The following LRRC69 variants were observed in gnomAD, a reference collection of about 807,000 sequenced individuals.
LRRC69 encodes the protein leucine-rich repeat-containing protein 69.
Under a neutral mutation model 37.8 loss-of-function variants are expected in LRRC69, and 42 were observed. The observed-to-expected ratio is 1.11, with a 90% confidence interval of 0.87 to 1.44. The LOEUF (loss-of-function observed/expected upper bound fraction) is 1.44, where lower values mean the gene tolerates loss of function less well. LRRC69 is among the 40% of genes most tolerant of loss of function. The pLI, the probability that LRRC69 is intolerant of heterozygous loss-of-function variation, is 0.00. For missense variants in LRRC69, 357 were observed against 401.9 expected, an observed-to-expected ratio of 0.89 and a Z score of 0.96; for synonymous variants, 141 against 143.1, an observed-to-expected ratio of 0.99 and a Z score of 0.11.
chr8:91,199,087 T>G (rs1809669930), intron 6 of LRRC69, among the ~76,000 whole-genome samples: 1 of 152,208 alleles, frequency 6.6e-6, no homozygotes, highest in Non-Finnish European at 1.5e-5. Context: ...AATGCTTCTG[T>G]CATCTGCTAT....
At position 91,191,679 on chromosome 8, in the gene LRRC69, A is replaced by G. The variant is rs1255828765; in HGVS notation, c.753+2056A>G. 2.0e-5 allele frequency among the ~76,000 whole-genome samples: 3 copies of G among 152,018 alleles called. 1 individual carries two copies. The highest frequency in any genetic ancestry group is 7.2e-5 in the African/African-American group (3 of 41,390). On this transcript the variant is annotated intron_variant, in intron 6 of 7. Coordinates refer to ENST00000448384, the Ensembl canonical transcript of LRRC69. ...AGACAGGGTCATCCTGGGTTGGAGG[A>G]GGTTCTGGTTTGTGGAGGAGGCTGA...
At chr8:91,143,061 G>T (rs931725049) in intron 5 of LRRC69, among the ~76,000 whole-genome samples, 1 of 152,052 alleles carries the variant, frequency 6.6e-6, no homozygotes, top group African/African-American at 2.4e-5. Context: ...AATTCGGTTA[G>T]CCTTACTTCT....
In LRRC69 at chr8:91,139,797, A is replaced by G. The variant is rs186182680; in HGVS notation, c.651+4058A>G. ...CCAGTATGATTTTTCTTTCTAAAAAAGTACCATCTGGCCAGGCGCGGTGGC... is the reference window on the plus strand; with the variant it reads ...CCAGTATGATTTTTCTTTCTAAAAAGGTACCATCTGGCCAGGCGCGGTGGC... On this transcript the variant is annotated intron_variant, in intron 5 of 7. Coordinates refer to ENST00000448384, the Ensembl canonical transcript of LRRC69. Among the ~76,000 whole-genome samples the G allele has an allele frequency of 1.4e-4, 22 of 151,944 alleles. No homozygotes were observed. In the East Asian group the frequency reaches 2.9e-3, roughly 20 times the overall value.
chr8:91,155,771 A>G (rs1019134786), intron 5 of LRRC69, among the ~76,000 whole-genome samples: 5 of 150,702 alleles, frequency 3.3e-5, no homozygotes, highest in Non-Finnish European at 7.4e-5. Context: ...TTTACTTAAT[A>G]TAATGTCCTC....
chr8:91,129,087 A>G (rs1813765137), intron 3 of LRRC69, among the ~76,000 whole-genome samples: 1 of 152,036 alleles, frequency 6.6e-6, no homozygotes, highest in African/African-American at 2.4e-5. Flanking sequence ...ACTACAGAAT[A>G]TCAGTTCATG....
chr8:91,105,737 T>C (rs1285663558), intron 1 of LRRC69, among the ~76,000 whole-genome samples: 2 of 151,198 alleles, frequency 1.3e-5, no homozygotes, highest in African/African-American at 4.9e-5. Context: ...AAGGAGAGTT[T>C]AGAAGTGCTG....
chr8:91,132,963 A>G lies in LRRC69; in HGVS notation c.384-147A>G, dbSNP rs1586236255. 4 of 491,292 alleles carry G rather than the reference A, an allele frequency of 8.1e-6. No individual in the cohort carries two copies. In the East Asian group the frequency reaches 1.4e-4, roughly 17 times the overall value. The allele number at this position is 491,292 out of a possible 1,614,324, so 30.4% of individuals were successfully genotyped here. ...GCAAAAACTTTTTATACTCATGATC[A>G]CAATAGTTGTAAACACTTGACTGAA... On this transcript the variant is annotated intron_variant, in intron 3 of 7. Transcript: ENST00000448384.
intron 5 of LRRC69, among the ~76,000 whole-genome samples, chr8:91,160,917 T>C (rs989222768): frequency 6.6e-6 from 1 of 151,270 alleles, no homozygotes; most frequent in African/African-American, 2.4e-5. Context: ...CTCACTATGA[T>C]TTTACTGTGG....
chr8:91,105,954 G>C (rs1252171925), intron 1 of LRRC69, among the ~76,000 whole-genome samples: 2 of 152,016 alleles, frequency 1.3e-5, no homozygotes, highest in African/African-American at 4.8e-5. Flanking sequence ...CAGGAATGAT[G>C]TAAGAAACAA....
At chr8:91,217,698 A>G (rs1810078846) in intron 7 of LRRC69, among the ~76,000 whole-genome samples, 1 of 152,194 alleles carries the variant, frequency 6.6e-6, no homozygotes, top group South Asian at 2.1e-4. Context: ...GCCCAAAGGA[A>G]AAACAGGGCT....
chr8:91,187,932 G>GT (rs916147713), intron 5 of LRRC69, among the ~76,000 whole-genome samples: 5 of 152,178 alleles, frequency 3.3e-5, no homozygotes, highest in Non-Finnish European at 7.4e-5. Flanking sequence ...CTCTGTATTG[G>GT]TTTTTTCTTA....
chr8:91,216,350 C>A (rs1319579085), intron 7 of LRRC69, among the ~76,000 whole-genome samples: 1 of 152,160 alleles, frequency 6.6e-6, no homozygotes, highest in African/African-American at 2.4e-5. Flanking sequence ...TAAAACCACA[C>A]TGGAAATAGA....
At chr8:91,214,267 T>G (rs530812982) in intron 7 of LRRC69, among the ~76,000 whole-genome samples, 1 of 152,268 alleles carries the variant, frequency 6.6e-6, no homozygotes, top group East Asian at 1.9e-4. Flanking sequence ...GGGAGCTGGT[T>G]TGGGAGGCAA....
intron 2 of LRRC69, among the ~76,000 whole-genome samples, chr8:91,125,603 G>A (rs1258557237): frequency 1.3e-5 from 2 of 151,690 alleles, no homozygotes; most frequent in South Asian, 2.1e-4. Flanking sequence ...AAAAGTTAAG[G>A]TCATGCAAAT....
At chr8:91,175,621 C>T (rs1809210236) in intron 5 of LRRC69, among the ~76,000 whole-genome samples, 1 of 151,952 alleles carries the variant, frequency 6.6e-6, no homozygotes, top group Non-Finnish European at 1.5e-5. Context: ...TAGTTCAGTT[C>T]CCAAGCAGTA....
chr8:91,157,228 T>C, intron 5 of LRRC69: 8 of 1,231,582 alleles, frequency 6.5e-6, no homozygotes, highest in Non-Finnish European at 9.4e-6. Context: ...TTTAACATTA[T>C]GAATTCTGAC....
At position 91,138,558 on chromosome 8, in the gene LRRC69, T is replaced by A. The variant is rs1461542538; in HGVS notation, c.651+2819T>A. Among the ~76,000 whole-genome samples the A allele has an allele frequency of 7.2e-5, 11 of 152,026 alleles. 1 individual carries two copies. The East Asian group carries it at 2.1e-3, about 29-fold the overall frequency. On this transcript the variant is annotated intron_variant, in intron 5 of 7. Transcript: ENST00000448384. ...AATTTTTTTCAGAGCAGTATTTTTT[T>A]TTTTTTGAAATTCACATGGCATTTG...
At chr8:91,164,145 G>T (rs1808990498) in intron 5 of LRRC69, among the ~76,000 whole-genome samples, 3 of 151,554 alleles carry the variant, frequency 2.0e-5, no homozygotes. Flanking sequence ...ATAAATGTTA[G>T]CTTTCTCTTG....
At chr8:91,172,278 A>G (rs1809147426) in intron 5 of LRRC69, among the ~76,000 whole-genome samples, 1 of 151,994 alleles carries the variant, frequency 6.6e-6, no homozygotes, top group African/African-American at 2.4e-5. Flanking sequence ...ATATATCTAG[A>G]AGTGTAAATG....
Sources: gnomAD v4.1 joint callset for allele counts (sites outside exome capture counted in the v4.1 genomes callset) on GRCh38, gnomAD v4.1.1 for gene constraint, MANE v1.5 for transcripts, NCBI Gene and HGNC (gene_info 2026-07-23, HGNC 2026-07-21) for gene names.